The following CLVS1 variants were observed in gnomAD, a reference collection of about 807,000 sequenced individuals.
CLVS1 encodes clavesin 1.
CLVS1 carries 10 observed loss-of-function variants against 33.1 expected under a neutral mutation model. The observed-to-expected ratio is 0.30, with a 90% CI of 0.19 to 0.51. The LOEUF (loss-of-function observed/expected upper bound fraction) is 0.51. Ranked by LOEUF, CLVS1 falls within the 20% of genes least tolerant of loss-of-function variation. The pLI is 0.97. For synonymous variants in CLVS1, 163 were observed against 166.1 expected (o/e 0.98, Z 0.14); for missense variants, 343 against 433.4 (o/e 0.79, Z 1.85).
intron 2 of CLVS1, among the ~76,000 whole-genome samples, chr8:61,209,775 G>A (rs1347069904): frequency 1.3e-5 from 2 of 152,168 alleles, no homozygotes; most frequent in African/African-American, 4.8e-5. Flanking sequence ...GAATTTCAAG[G>A]TCAGTGTGGT....
chr8:61,222,087 C>CCTAGCT (rs879386774), intron 2 of CLVS1, among the ~76,000 whole-genome samples: 1 of 151,894 alleles, frequency 6.6e-6, no homozygotes, highest in Non-Finnish European at 1.5e-5. Flanking sequence ...TCTTTATTAA[C>CCTAGCT]CTAGCTAATG....
At chr8:61,204,985 A>G (rs1386745825) in intron 2 of CLVS1, among the ~76,000 whole-genome samples, 1 of 152,246 alleles carries the variant, frequency 6.6e-6, no homozygotes, top group Non-Finnish European at 1.5e-5. Context: ...TGCTTACAAA[A>G]GAAATTTTAG....
intron 3 of CLVS1, among the ~76,000 whole-genome samples, chr8:61,453,485 G>C (rs2129606999): frequency 6.6e-6 from 1 of 152,266 alleles, no homozygotes; most frequent in South Asian, 2.1e-4. Context: ...CCCTCAACTA[G>C]CGGAATCAGC....
At chr8:61,112,179 TACACACACACACACAC>T (rs749547863) in intron 1 of CLVS1, among the ~76,000 whole-genome samples, 1 of 89,110 alleles carries the variant, frequency 1.1e-5, no homozygotes, top group Non-Finnish European at 2.1e-5. Flanking sequence ...TTCTCCGTGC[TACACACACACACACAC>T]ACACACACAC....
chr8:61,119,158 G>C (rs1414152927), intron 1 of CLVS1, among the ~76,000 whole-genome samples: 1 of 152,086 alleles, frequency 6.6e-6, no homozygotes, highest in African/African-American at 2.4e-5. Flanking sequence ...ATCTTTGTTG[G>C]TTTAAAGTCT....
At position 61,288,109 on chromosome 8, in the gene CLVS1, C is replaced by G. The variant is rs1809834376; in HGVS notation, c.-181C>G. ...GCGAGGACACCTGCAGAAATACATT[C>G]CCAAAGCAAGGCTGGGCGGCCGTGT... On this transcript the variant is annotated 5_prime_UTR_variant, in exon 1 of 6. Transcript: ENST00000325897. 2 of 456,192 alleles carry G rather than the reference C, an allele frequency of 4.4e-6. No individual in the cohort carries two copies. Among genetic ancestry groups the G allele is most frequent in the South Asian group, 1.5e-5 (1 of 64,562 alleles). The allele number at this position is 456,192 out of a possible 1,614,324, so 28.3% of individuals were successfully genotyped here.
chr8:61,237,275 C>A (rs1246597076), intron 2 of CLVS1, among the ~76,000 whole-genome samples: 7 of 151,442 alleles, frequency 4.6e-5, no homozygotes, highest in African/African-American at 1.7e-4. Context: ...CCTGTAAGGG[C>A]AAAATAGGAA....
At chr8:61,140,734 T>C (rs1477865801) in intron 2 of CLVS1, among the ~76,000 whole-genome samples, 2 of 151,952 alleles carry the variant, frequency 1.3e-5, no homozygotes, top group Non-Finnish European at 2.9e-5. Context: ...GCTAAATTTT[T>C]TTTTTGTATT....
intron 2 of CLVS1, among the ~76,000 whole-genome samples, chr8:61,149,759 C>A (rs1211771104): frequency 6.6e-6 from 1 of 151,984 alleles, no homozygotes; most frequent in South Asian, 2.1e-4. Flanking sequence ...GTCCCTCTAA[C>A]TGGATATTTT....
At chr8:61,204,054 A>G (rs940030338) in intron 2 of CLVS1, among the ~76,000 whole-genome samples, 7 of 152,170 alleles carry the variant, frequency 4.6e-5, no homozygotes, top group African/African-American at 1.7e-4. Flanking sequence ...AAGAAGAGTC[A>G]ATTAATTTCT....
At chr8:61,152,326 C>T (rs1310790763) in intron 2 of CLVS1, among the ~76,000 whole-genome samples, 1 of 152,150 alleles carries the variant, frequency 6.6e-6, no homozygotes, top group Non-Finnish European at 1.5e-5. Flanking sequence ...GGGCCCTACC[C>T]TCAGGCCTTC....
intron 2 of CLVS1, among the ~76,000 whole-genome samples, chr8:61,309,828 A>G (rs1174163608): frequency 1.3e-5 from 2 of 152,216 alleles, no homozygotes; most frequent in East Asian, 3.9e-4. Flanking sequence ...TTCTGATTAA[A>G]ACCCCGAGGC....
At chr8:61,179,059 A>C (rs892937692) in intron 2 of CLVS1, among the ~76,000 whole-genome samples, 2 of 152,218 alleles carry the variant, frequency 1.3e-5, no homozygotes, top group Admixed American at 1.3e-4. Flanking sequence ...GGCAAATTGG[A>C]TAAAGGGTCA....
chr8:61,020,503 C>A, the CLVS1 span, among the ~76,000 whole-genome samples: 7 of 152,200 alleles, frequency 4.6e-5, no homozygotes, highest in African/African-American at 1.7e-4. Context: ...ATTTAGCATG[C>A]AGCCAACTCC....
intron 2 of CLVS1, among the ~76,000 whole-genome samples, chr8:61,265,893 G>T (rs1350417247): frequency 6.6e-6 from 1 of 152,088 alleles, no homozygotes; most frequent in East Asian, 1.9e-4. Context: ...TCTCAACTCA[G>T]TTGTCACCCC....
chr8:61,065,430 G>A (rs911613969), intron 1 of CLVS1, among the ~76,000 whole-genome samples: 7 of 152,118 alleles, frequency 4.6e-5, no homozygotes, highest in African/African-American at 1.4e-4. Flanking sequence ...TGCTCTGGAT[G>A]TATTTGAGAG....
chr8:61,461,127 G>A (rs780081082), intron 5 of CLVS1, among the ~76,000 whole-genome samples: 1 of 152,110 alleles, frequency 6.6e-6, no homozygotes, highest in Admixed American at 6.6e-5. Context: ...ATAAATTAGG[G>A]CATGAACAAG....
At chr8:61,137,184 G>C (rs1184986611) in intron 2 of CLVS1, among the ~76,000 whole-genome samples, 1 of 152,186 alleles carries the variant, frequency 6.6e-6, no homozygotes, top group Non-Finnish European at 1.5e-5. Context: ...AATCCACCAG[G>C]ACTCCCAGTT....
intron 2 of CLVS1, among the ~76,000 whole-genome samples, chr8:61,205,805 G>T (rs930331071): frequency 2.0e-5 from 3 of 151,714 alleles, no homozygotes; most frequent in African/African-American, 7.3e-5. Flanking sequence ...CATCCTCTTG[G>T]GTGTGAGAGA....
Sources: allele counts gnomAD v4.1 joint callset (sites outside exome capture counted in the v4.1 genomes callset), GRCh38; gene constraint gnomAD v4.1.1; transcripts MANE v1.5; gene names NCBI Gene and HGNC (gene_info 2026-07-23, HGNC 2026-07-21).